ITGA5: variants seen among roughly 807,000 people sequenced by gnomAD.
The protein encoded by ITGA5 is integrin subunit alpha 5.
ITGA5 carries 55 observed loss-of-function variants against 146.3 expected under a neutral mutation model. That is an observed-to-expected ratio of 0.38 (90% confidence interval 0.30 to 0.47). The LOEUF (loss-of-function observed/expected upper bound fraction) is 0.47, where lower values mean the gene tolerates loss of function less well. ITGA5 is among the 20% of genes least tolerant of loss of function. ITGA5 has a pLI of 0.99. For synonymous variants in ITGA5, 500 were observed against 531.8 expected, an observed-to-expected ratio of 0.94 and a Z score of 0.82; for missense variants, 1,131 against 1,329.0, an observed-to-expected ratio of 0.85 and a Z score of 2.32.
rs201284038 is a variant in ITGA5 at position 54,401,778 on chromosome 12, G to A, written c.2304C>T (p.Leu768=). The A allele has an allele frequency of 2.5e-6, 4 of 1,614,082 alleles. No individual in the cohort carries two copies. The highest frequency in any genetic ancestry group is 1.7e-5 in the Admixed American group (1 of 60,026). Residue 768 remains leucine (L), a splice_region_variant and synonymous_variant, in exon 22 of 30, where the codon CTC becomes CTT. Transcript: ENST00000293379. This position sits in a 1 kb window ranked among gnomAD's most constrained non-coding sequence, Gnocchi z 5.0. ...GCCTAGACACACTCACTCCCTACCT[G>A]AGGATCTGGAAGTCAAACTGGATGG... ...KKTIQFDFQI[L]SKNLNNSQSD...
chr12:54,405,795 G>T (rs1361793437), intron 10 of ITGA5, 75 bp downstream of exon 10: 1 of 1,599,498 alleles, frequency 6.3e-7, no homozygotes, highest in African/African-American at 1.3e-5. Context: ...GGGAAGTTGG[G>T]CTGACATTAT....
At position 54,402,976 on chromosome 12, in the gene ITGA5, T is replaced by C; in HGVS notation, c.1982+7A>G. On this transcript the variant is annotated splice_region_variant and intron_variant, in intron 19 of 29. Coordinates refer to ENST00000293379, the MANE Select transcript of ITGA5 (RefSeq NM_002205.5). ...GAGCTCCCTAGCTTACCGTCAGCCC[T>C]ACTTACCCAAACACTTCCAGCTGCA... 1 of 1,613,732 alleles carries C rather than the reference T, an allele frequency of 6.2e-7. No individual in the cohort carries two copies. The highest frequency in any genetic ancestry group is 8.5e-7 in the Non-Finnish European group (1 of 1,179,636).
rs1955888752 is a variant in ITGA5 at position 54,408,042 on chromosome 12, G to C, written c.817+68C>G. 5 of 1,596,396 alleles carry C rather than the reference G, an allele frequency of 3.1e-6. No homozygotes were observed. In the East Asian group the frequency reaches 1.1e-4, roughly 36 times the overall value. ...TGCCTGAGTAGGAGAGGGGAGGCGA[G>C]GGGGTGAGTGGGGACAGGAGCACTT... On this transcript the variant is annotated intron_variant, in intron 7 of 29. Transcript: ENST00000293379.
chr12:54,398,951 T>G (rs1245776760), intron 27 of ITGA5: 1 of 356,260 alleles, frequency 2.8e-6, no homozygotes, highest in Non-Finnish European at 5.0e-6. Flanking sequence ...GCAATCCTCC[T>G]GCCTCAGCCT....
chr12:54,403,550 TCCC>T lies in ITGA5; in HGVS notation c.1776+72_1776+74del. On this transcript the variant is annotated intron_variant, in intron 17 of 29. Transcript: ENST00000293379. The surrounding 1 kb of genome is among the most constrained non-coding windows in gnomAD (Gnocchi z 4.9). ...CTTCACTGGAGTCCCCCAGTCTTTT[TCCC>T]TTCAGGAGGTGCCCTCAGTTCTGTG... 6.6e-7 allele frequency: 1 copy of T among 1,503,902 alleles called. No homozygotes were observed. The highest frequency in any genetic ancestry group is 1.3e-5 in the South Asian group (1 of 79,610). The allele number at this position is 1,503,902 out of a possible 1,614,324, so 93.2% of individuals were successfully genotyped here.
chr12:54,414,863 C>T lies in ITGA5; in HGVS notation c.219-2899G>A, dbSNP rs761390838. Among the ~76,000 whole-genome samples the T allele has an allele frequency of 4.3e-5, 6 of 139,540 alleles. 1 individual carries two copies. The highest frequency in any genetic ancestry group is 7.0e-5 in the Admixed American group (1 of 14,324). 91.5% of individuals were successfully genotyped at this position (139,540 alleles called of 152,430 possible). On this transcript the variant is annotated intron_variant, in intron 1 of 29. Coordinates refer to ENST00000293379, the MANE Select transcript of ITGA5 (RefSeq NM_002205.5). The stretch of plus-strand genomic sequence containing the variant: ...TCCTTCTCAACAACAACAACAACAA[C>T]AACGGCCAGGCGTGGTGGCTCACGC...
rs759007895 is a variant in ITGA5, at chr12:54,408,815, G to A, written c.646-14C>T. The A allele has an allele frequency of 1.9e-6, 3 of 1,613,872 alleles. No individual in the cohort carries two copies. Among genetic ancestry groups the A allele is most frequent in the Non-Finnish European group, 2.5e-6 (3 of 1,180,004 alleles). On this transcript the variant is annotated splice_polypyrimidine_tract_variant and intron_variant, in intron 5 of 29. Transcript: ENST00000293379. ...CACACGGCCAGTCTGTGGGTGAAAG[G>A]AGGGGAGTCCAACATCTGGTCCCAA... is the stretch of plus-strand genomic sequence containing the variant.
intron 4 of ITGA5, 31 bp from the exon 5 acceptor site, chr12:54,408,985 C>T (rs769911461): frequency 3.1e-6 from 5 of 1,606,994 alleles, no homozygotes; most frequent in South Asian, 1.1e-5. Flanking sequence ...GAAAATGAGC[C>T]CTGCATAGAT....
At position 54,396,253 on chromosome 12, in the gene ITGA5, G is replaced by T. The variant is rs754402439; in HGVS notation, c.*40C>A. 1.4e-6 allele frequency: 2 copies of T among 1,475,698 alleles called. No homozygotes were observed. The highest frequency in any genetic ancestry group is 1.7e-5 in the Admixed American group (1 of 59,770). 91.4% of individuals were successfully genotyped at this position (1,475,698 alleles called of 1,614,324 possible). On this transcript the variant is annotated 3_prime_UTR_variant, in exon 30 of 30. Coordinates refer to ENST00000293379, the MANE Select transcript of ITGA5 (RefSeq NM_002205.5). ...CTTTTCAGTAGAATGAGGGTGGGGG[G>T]ACTGGTTCTTCAGGAATGGGAGTCT... is the stretch of plus-strand genomic sequence containing the variant.
intron 11 of ITGA5, 93 bp downstream of exon 11, chr12:54,405,570 CT>C: frequency 8.1e-7 from 1 of 1,237,306 alleles, no homozygotes; most frequent in Admixed American, 1.9e-5. Context: ...AGAAAAAGCC[CT>C]GGAGAAACTC....
chr12:54,398,402 T>A lies in ITGA5; in HGVS notation c.2943+195A>T, dbSNP rs192639774. Among the ~76,000 whole-genome samples the A allele has an allele frequency of 2.6e-5, 4 of 152,342 alleles. No homozygotes were observed. The East Asian group carries it at 7.7e-4, about 29-fold the overall frequency. On this transcript the variant is annotated intron_variant, in intron 28 of 29. Transcript: ENST00000293379. ...GGAACACTGTGTTGTTCCACGAGACTGTGAACACCAGGAGCAAAGATACCA... is the reference window on the plus strand; with the variant it reads ...GGAACACTGTGTTGTTCCACGAGACAGTGAACACCAGGAGCAAAGATACCA...
Position 54,403,710 on chromosome 12 carries a change from G to A in ITGA5, c.1691C>T (p.Ala564Val), listed in dbSNP as rs773200827. 6.2e-7 allele frequency: 1 copy of A among 1,614,136 alleles called. No homozygotes were observed. The highest frequency in any genetic ancestry group is 1.1e-5 in the South Asian group (1 of 91,084). The change falls in exon 17 of 30, where the codon GCC (alanine) becomes GTC (valine). Residue 564 changes from alanine to valine, a missense_variant. Transcript: ENST00000293379. This position sits in a 1 kb window ranked among gnomAD's most constrained non-coding sequence, Gnocchi z 4.9. ...KGGVRRALFL[A>V]SRQATLTQTL... The stretch of plus-strand genomic sequence containing the variant: ...CTGGGTCAGGGTTGCCTGCCTGGAG[G>A]CCAGGAACAGTGCCCGCCGTACCCC...
chr12:54,398,693 C>T lies in ITGA5; in HGVS notation c.2847G>A (p.Glu949=). 10 of 1,599,684 alleles carry T rather than the reference C, an allele frequency of 6.3e-6. No individual in the cohort carries two copies. The highest frequency in any genetic ancestry group is 8.5e-6 in the Non-Finnish European group (10 of 1,174,042). ...RVWAKTFLQR[E]HQPFSLQCEA... ...CACACTGCAGGCTAAATGGCTGGTG[C>T]TCCCGCTGTGGGTAGGGGAAAGTTG... The change falls in exon 28 of 30, where the codon GAG becomes GAA. Residue 949 remains glutamate (E), a synonymous_variant. Coordinates refer to ENST00000293379, the MANE Select transcript of ITGA5 (RefSeq NM_002205.5).
chr12:54,417,382 T>TGTGATAAGAAGTTTGAGGGAACCTGGGG (rs1956019823), intron 1 of ITGA5, among the ~76,000 whole-genome samples: 2 of 148,890 alleles, frequency 1.3e-5, no homozygotes, highest in Non-Finnish European at 3.0e-5. Flanking sequence ...CCATTAGGGC[T>TGTGATAAGAAGTTTGAGGGAACCTGGGG]GTGATAAGAA....
Position 54,401,029 on chromosome 12 carries a change from G to T in ITGA5, c.2494-34C>A. 1.2e-6 allele frequency: 2 copies of T among 1,602,494 alleles called. No homozygotes were observed. The highest frequency in any genetic ancestry group is 3.4e-5 in the Admixed American group (2 of 58,984). On this transcript the variant is annotated intron_variant, in intron 24 of 29. Transcript: ENST00000293379. This position sits in a 1 kb window ranked among gnomAD's most constrained non-coding sequence, Gnocchi z 5.0. The stretch of plus-strand genomic sequence containing the variant: ...GGAAGAGCACAATCATCATGAGAAG[G>T]AAGGGAATGCTTCTGCCCCATTGAG...
chr12:54,410,291 C>A (rs1018729178), intron 2 of ITGA5, among the ~76,000 whole-genome samples: 1 of 151,232 alleles, frequency 6.6e-6, no homozygotes, highest in Admixed American at 6.6e-5. Context: ...AACCCTTTGG[C>A]TGCACTTCTT....
chr12:54,397,049 G>T (rs142055415), intron 29 of ITGA5, among the ~76,000 whole-genome samples: 140 of 152,242 alleles, frequency 9.2e-4, no homozygotes, highest in African/African-American at 3.3e-3. Context: ...CCATTTCTAG[G>T]TTAGTGATGG....
chr12:54,400,075 C>T, intron 25 of ITGA5, 128 bp from the exon 26 acceptor site: 1 of 692,456 alleles, frequency 1.4e-6, no homozygotes, highest in Admixed American at 2.3e-5. Flanking sequence ...CAACTGTCCA[C>T]CTCCTATGCG....
chr12:54,414,750 G>C (rs1341167307), intron 1 of ITGA5, among the ~76,000 whole-genome samples: 2 of 151,144 alleles, frequency 1.3e-5, no homozygotes, highest in East Asian at 1.9e-4. Context: ...GGGAGGCTGA[G>C]GCAGGAGAAT....
Sources: gnomAD v4.1 joint callset for allele counts (sites outside exome capture counted in the v4.1 genomes callset) on GRCh38, gnomAD v4.1.1 for gene constraint, Gnocchi (gnomAD v3.1) non-coding constraint, MANE v1.5 for transcripts, NCBI Gene and HGNC (gene_info 2026-07-23, HGNC 2026-07-21) for gene names.